SLC49A4: variants seen among roughly 807,000 people sequenced by gnomAD.
The protein encoded by SLC49A4 is solute carrier family 49 member 4, also known as disrupted in renal cancer protein 2.
SLC49A4 carries 36 observed loss-of-function variants against 50.6 expected under a neutral mutation model. The ratio of observed to expected loss-of-function variants is 0.71; its 90% CI spans 0.55 to 0.94. The LOEUF is 0.94. Among genes scored for constraint, SLC49A4 ranks in the 40% least tolerant of loss-of-function variants. SLC49A4 has a pLI of 0.00. For missense variants in SLC49A4, 503 were observed against 605.7 expected (o/e 0.83, Z 1.78); for synonymous variants, 248 against 241.2 (o/e 1.03, Z -0.26).
chr3:122,872,609 G>T lies in SLC49A4; in HGVS notation c.1321+12G>T. 6.4e-7 allele frequency: 1 copy of T among 1,552,506 alleles called. No individual in the cohort carries two copies. The highest frequency in any genetic ancestry group is 1.2e-5 in the South Asian group (1 of 83,774). Reference sequence around the variant, plus strand: ...ATTTTATCATACAGGTAAGAAATTTGATTTTTTATTTACTATCTAAATGTG... The same window carrying T: ...ATTTTATCATACAGGTAAGAAATTTTATTTTTTATTTACTATCTAAATGTG... On this transcript the variant is annotated intron_variant, in intron 8 of 8. Transcript: ENST00000261038.
chr3:122,806,374 T>G (rs1301751666), intron 1 of SLC49A4, among the ~76,000 whole-genome samples: 2 of 152,182 alleles, frequency 1.3e-5, no homozygotes, highest in Non-Finnish European at 2.9e-5. Flanking sequence ...AGAATCATCT[T>G]ATTTTCTTTT....
intron 4 of SLC49A4, among the ~76,000 whole-genome samples, chr3:122,835,226 A>C (rs1936663004): frequency 6.6e-6 from 1 of 152,172 alleles, no homozygotes; most frequent in African/African-American, 2.4e-5. Context: ...CATCACCCTG[A>C]TACCAAAACC....
intron 7 of SLC49A4, among the ~76,000 whole-genome samples, chr3:122,860,651 T>A (rs1399867568): frequency 6.6e-6 from 1 of 152,226 alleles, no homozygotes; most frequent in African/African-American, 2.4e-5. Context: ...AAGCAAAACT[T>A]ACTGGAAATA....
chr3:122,862,897 C>G (rs759911301), intron 7 of SLC49A4, among the ~76,000 whole-genome samples: 1 of 152,030 alleles, frequency 6.6e-6, no homozygotes, highest in African/African-American at 2.4e-5. Flanking sequence ...ATTTTATAAT[C>G]GGAAAAATGC....
intron 1 of SLC49A4, among the ~76,000 whole-genome samples, chr3:122,797,897 G>T (rs1576287816): frequency 6.6e-6 from 1 of 152,218 alleles, no homozygotes; most frequent in East Asian, 1.9e-4. Flanking sequence ...TGGAGGATCA[G>T]TTGAGCCCAG....
At position 122,856,368 on chromosome 3, in the gene SLC49A4, T is replaced by A. The variant is rs760826888; in HGVS notation, c.1004T>A (p.Met335Lys). ...IVGGCVVGIAMARFADFIRGM... is the reference protein window; with the variant it reads ...IVGGCVVGIAKARFADFIRGM... ...GGAGGCTGTGTTGTTGGAATAGCTA[T>A]GGCAAGGTGAGAATATTTTGTTAAA... is the stretch of plus-strand genomic sequence containing the variant. Residue 335 changes from methionine to lysine, a missense_variant, in exon 6 of 9, where the codon ATG (methionine) becomes AAG (lysine). Physicochemically the swap from Met to Lys is moderately conservative, Grantham distance 95. Transcript: ENST00000261038. 1 of 1,613,828 alleles carries A rather than the reference T, an allele frequency of 6.2e-7. No homozygotes were observed. Among genetic ancestry groups the A allele is most frequent in the African/African-American group, 1.3e-5 (1 of 74,898 alleles).
chr3:122,822,186 G>A (rs1278342243), intron 2 of SLC49A4, among the ~76,000 whole-genome samples: 1 of 152,084 alleles, frequency 6.6e-6, no homozygotes, highest in African/African-American at 2.4e-5. Flanking sequence ...TGACTTCACT[G>A]TACTGAAGAT....
At chr3:122,829,130 A>G (rs1936577242) in intron 3 of SLC49A4, among the ~76,000 whole-genome samples, 1 of 152,264 alleles carries the variant, frequency 6.6e-6, no homozygotes, top group African/African-American at 2.4e-5. Context: ...ACATAAGAAA[A>G]GTAAACTACA....
At chr3:122,861,230 C>G (rs1937055284) in intron 7 of SLC49A4, among the ~76,000 whole-genome samples, 1 of 152,150 alleles carries the variant, frequency 6.6e-6, no homozygotes, top group Non-Finnish European at 1.5e-5. Flanking sequence ...TGTGAAATAA[C>G]ATATTCACAA....
rs371959387 is a variant in SLC49A4, at chr3:122,833,429, C to T, written c.816C>T (p.Ser272=). 6 of 1,613,176 alleles carry T rather than the reference C, an allele frequency of 3.7e-6. No individual in the cohort carries two copies. The highest frequency in any genetic ancestry group is 2.2e-5 in the South Asian group (2 of 91,072). The change falls in exon 4 of 9, where the codon AGC becomes AGT. Residue 272 remains serine (S), a synonymous_variant. Coordinates refer to ENST00000261038, the MANE Select transcript of SLC49A4 (RefSeq NM_032839.3). ...AASQRLSYRR[S]VCRLLSNFRF... ...GCCAGCGGCTGAGTTATCGGAGAAGCGTTTGTAGATTATTAAGGTAAATAT... is the reference window on the plus strand; with the variant it reads ...GCCAGCGGCTGAGTTATCGGAGAAGTGTTTGTAGATTATTAAGGTAAATAT...
At position 122,806,885 on chromosome 3, in the gene SLC49A4, C is replaced by G; in HGVS notation, c.372C>G (p.Ser124=). The change falls in exon 2 of 9, where the codon TCC becomes TCG. Residue 124 remains serine (S), a synonymous_variant. Transcript: ENST00000261038. The stretch of plus-strand genomic sequence containing the variant: ...TCCGGATAACTGTGCTCCTGACATC[C>G]TTCCTTATGGTTTTGGGAACTGGTC... ...RGLRITVLLT[S]FLMVLGTGLR... 2 of 1,610,162 alleles carry G rather than the reference C, an allele frequency of 1.2e-6. No individual in the cohort carries two copies. Among genetic ancestry groups the G allele is most frequent in the Non-Finnish European group, 1.7e-6 (2 of 1,176,824 alleles).
intron 5 of SLC49A4, among the ~76,000 whole-genome samples, chr3:122,851,416 C>G (rs898283672): frequency 1.3e-5 from 2 of 151,854 alleles, no homozygotes; most frequent in Non-Finnish European, 2.9e-5. Flanking sequence ...TAGAGTTTTT[C>G]TGTTGCTGGG....
At chr3:122,823,588 A>C (rs1319891512) in intron 2 of SLC49A4, among the ~76,000 whole-genome samples, 3 of 152,154 alleles carry the variant, frequency 2.0e-5, no homozygotes, top group African/African-American at 7.2e-5. Context: ...TGACTACTCA[A>C]TATATGTTTG....
At position 122,799,109 on chromosome 3, in the gene SLC49A4, G is replaced by A. The variant is rs145219685; in HGVS notation, c.343+3574G>A. ...AACTAAAGGAAGTTTCAAGGAGATA[G>A]CAACCCAGTGTGTTCCACGCACTGG... is the stretch of plus-strand genomic sequence containing the variant. On this transcript the variant is annotated intron_variant, in intron 1 of 8. Transcript: ENST00000261038. 2.7e-3 allele frequency among the ~76,000 whole-genome samples: 418 copies of A among 152,266 alleles called. 1 individual carries two copies. Among genetic ancestry groups the A allele is most frequent in the African/African-American group, 9.9e-3 (412 of 41,540 alleles).
chr3:122,800,356 G>C (rs1182281388), intron 1 of SLC49A4, among the ~76,000 whole-genome samples: 1 of 152,206 alleles, frequency 6.6e-6, no homozygotes, highest in Non-Finnish European at 1.5e-5. Flanking sequence ...CTTGAATGAT[G>C]TGGTGAGTTT....
chr3:122,814,699 C>G (rs1302218167), intron 2 of SLC49A4, among the ~76,000 whole-genome samples: 1 of 152,150 alleles, frequency 6.6e-6, no homozygotes, highest in Non-Finnish European at 1.5e-5. Flanking sequence ...ATGCATGCGG[C>G]CCAGGATGGC....
chr3:122,829,572 G>A (rs1024006746), intron 3 of SLC49A4, among the ~76,000 whole-genome samples: 2 of 152,108 alleles, frequency 1.3e-5, no homozygotes, highest in Non-Finnish European at 2.9e-5. Context: ...GGCCAACATA[G>A]CAAAACCCCA....
chr3:122,816,719 T>G (rs982974424), intron 2 of SLC49A4, among the ~76,000 whole-genome samples: 1 of 152,176 alleles, frequency 6.6e-6, no homozygotes, highest in African/African-American at 2.4e-5. Flanking sequence ...GTTCCCTCTA[T>G]CTTGTTACCT....
At position 122,795,544 on chromosome 3, in the gene SLC49A4, T is replaced by TCG. The variant is rs1936015340; in HGVS notation, c.343+12_343+13dup. 5.1e-6 allele frequency: 8 copies of TCG among 1,583,010 alleles called. No individual in the cohort carries two copies. Among genetic ancestry groups the TCG allele is most frequent in the Non-Finnish European group, 6.8e-6 (8 of 1,172,846 alleles). The stretch of plus-strand genomic sequence containing the variant: ...GCTCCTGGACAAGAGAGGTGAGGGG[T>TCG]CGCGGAGCGCCAGCCCGCGCTGTCT... On this transcript the variant is annotated intron_variant, in intron 1 of 8. Coordinates refer to ENST00000261038, the MANE Select transcript of SLC49A4 (RefSeq NM_032839.3).
Sources: allele counts gnomAD v4.1 joint callset (sites outside exome capture counted in the v4.1 genomes callset), GRCh38; gene constraint gnomAD v4.1.1; transcripts MANE v1.5; gene names NCBI Gene and HGNC (gene_info 2026-07-23, HGNC 2026-07-21).